MSH3: variants seen among roughly 807,000 people sequenced by gnomAD.
MSH3 encodes mutS homolog 3.
A neutral mutation model predicts 123.3 loss-of-function variants in MSH3; 106 were observed. That is an observed-to-expected ratio of 0.86 (90% CI 0.73 to 1.01). MSH3 has a LOEUF of 1.01. Ranked by LOEUF, MSH3 falls within the 50% of genes least tolerant of loss-of-function variation. MSH3 has a pLI of 0.00. For missense variants in MSH3, 1,459 were observed against 1,347.6 expected, an observed-to-expected ratio of 1.08 and a Z score of -1.29; for synonymous variants, 515 against 481.4, an observed-to-expected ratio of 1.07 and a Z score of -0.91.
In MSH3 at chr5:80,805,588, C is replaced by T. The variant is rs1011090421; in HGVS notation, c.2656-7996C>T. On this transcript the variant is annotated intron_variant, in intron 19 of 23. Transcript: ENST00000265081. ...CACTTTCAATATGATGCCCCCCCCCCCTACCTTTTTTTTTTTTTTTTTTTG... is the reference window on the plus strand; with the variant it reads ...CACTTTCAATATGATGCCCCCCCCCTCTACCTTTTTTTTTTTTTTTTTTTG... Among the ~76,000 whole-genome samples the T allele has an allele frequency of 3.1e-4, 35 of 114,080 alleles. 1 individual carries two copies. The highest frequency in any genetic ancestry group is 5.7e-4 in the Non-Finnish European group (33 of 57,592). 74.8% of individuals were successfully genotyped at this position (114,080 alleles called of 152,430 possible).
intron 17 of MSH3, among the ~76,000 whole-genome samples, chr5:80,784,825 T>C (rs1382544362): frequency 6.6e-6 from 1 of 152,168 alleles, no homozygotes; most frequent in Non-Finnish European, 1.5e-5. Flanking sequence ...GAACTTTAAT[T>C]CAGTGAGAAA....
intron 13 of MSH3, among the ~76,000 whole-genome samples, chr5:80,763,959 T>A (rs1452165691): frequency 1.3e-5 from 2 of 152,262 alleles, no homozygotes; most frequent in African/African-American, 4.8e-5. Flanking sequence ...TGTTGCTGTT[T>A]TAGTGTTTGT....
intron 11 of MSH3, among the ~76,000 whole-genome samples, chr5:80,743,630 G>A (rs1176335114): frequency 4.1e-4 from 24 of 58,112 alleles, no homozygotes; most frequent in Admixed American, 5.8e-4. Flanking sequence ...GGATCACGAG[G>A]TCAGGAGATC....
chr5:80,721,412 T>G (rs1435412392), intron 8 of MSH3, among the ~76,000 whole-genome samples: 1 of 152,220 alleles, frequency 6.6e-6, no homozygotes, highest in Non-Finnish European at 1.5e-5. Context: ...TACTGTGGAC[T>G]CCTTGTAGTC....
At chr5:80,716,543 G>A (rs1750965298) in intron 8 of MSH3, among the ~76,000 whole-genome samples, 1 of 151,970 alleles carries the variant, frequency 6.6e-6, no homozygotes, top group Non-Finnish European at 1.5e-5. Context: ...GTGATTACGG[G>A]TGTGAGCCAC....
At chr5:80,826,878 C>G (rs1483707728) in intron 20 of MSH3, among the ~76,000 whole-genome samples, 3 of 152,088 alleles carry the variant, frequency 2.0e-5, no homozygotes, top group South Asian at 2.1e-4. Flanking sequence ...ATACTATAAC[C>G]TCACATGAAT....
chr5:80,815,558 C>T (rs888703700), intron 20 of MSH3, among the ~76,000 whole-genome samples: 1 of 152,164 alleles, frequency 6.6e-6, no homozygotes, highest in Admixed American at 6.5e-5. Flanking sequence ...GTTTCAGTGG[C>T]TCTGCCATTT....
Position 80,875,797 on chromosome 5 carries a change from C to A in MSH3, c.3349C>A (p.Gln1117Lys). The change falls in exon 24 of 24, where the codon CAA becomes AAA. Residue 1117 changes from glutamine (Q) to lysine (K), a missense_variant. Physicochemically the swap from Gln to Lys is moderately conservative, Grantham distance 53. Transcript: ENST00000265081. The stretch of plus-strand genomic sequence containing the variant: ...AAAGTTATGGACGATGCATAATGCA[C>A]AAGACCTGCAGAAGTGGACAGAGGA... Reference protein sequence around the residue: ...FAKLWTMHNAQDLQKWTEEFN... With the variant: ...FAKLWTMHNAKDLQKWTEEFN... 6.2e-7 allele frequency: 1 copy of A among 1,613,956 alleles called. No individual in the cohort carries two copies. The highest frequency in any genetic ancestry group is 2.2e-5 in the East Asian group (1 of 44,856).
At chr5:80,780,455 G>T (rs1279034730) in intron 17 of MSH3, among the ~76,000 whole-genome samples, 1 of 152,218 alleles carries the variant, frequency 6.6e-6, no homozygotes, top group African/African-American at 2.4e-5. Flanking sequence ...CCAAGGGTAA[G>T]GGTTGGAGCC....
chr5:80,729,351 G>T lies in MSH3; in HGVS notation c.1568+386G>T, dbSNP rs1299996248. Among the ~76,000 whole-genome samples the T allele has an allele frequency of 2.7e-5, 4 of 147,710 alleles. No homozygotes were observed. The East Asian group carries it at 5.9e-4, about 22-fold the overall frequency. ...AATGGCGTGAACCCAGGGAGGTGGA[G>T]CCTGCAGTCAGCCCAGATCCCACCA... On this transcript the variant is annotated intron_variant, in intron 10 of 23. Transcript: ENST00000265081.
intron 20 of MSH3, among the ~76,000 whole-genome samples, chr5:80,814,199 GA>G (rs1209880907): frequency 6.6e-6 from 1 of 151,356 alleles, no homozygotes; most frequent in Admixed American, 6.6e-5. Flanking sequence ...GTTAATACTA[GA>G]AAAGACTTAA....
intron 8 of MSH3, among the ~76,000 whole-genome samples, chr5:80,695,087 G>GTTTTTTTTTTTTTTTTTTTT (rs57947652): frequency 2.6e-5 from 3 of 115,306 alleles, no homozygotes; most frequent in South Asian, 2.8e-4. Flanking sequence ...TTTTTTTGTT[G>GTTTTTTTTTTTTTTTTTTTT]TTTTTTTTTT....
chr5:80,843,203 C>A (rs1745657857), intron 20 of MSH3, among the ~76,000 whole-genome samples: 1 of 152,016 alleles, frequency 6.6e-6, no homozygotes. Context: ...TTTCGGATTA[C>A]ACTTACTGAT....
chr5:80,702,299 A>C (rs1187526901), intron 8 of MSH3, among the ~76,000 whole-genome samples: 2 of 152,150 alleles, frequency 1.3e-5, no homozygotes, highest in Non-Finnish European at 2.9e-5. Flanking sequence ...GGGAGTGGAC[A>C]TGAATCCTGA....
chr5:80,863,437 A>C (rs1479647464), intron 21 of MSH3, among the ~76,000 whole-genome samples: 1 of 152,128 alleles, frequency 6.6e-6, no homozygotes, highest in Non-Finnish European at 1.5e-5. Flanking sequence ...CTGGGAGGCC[A>C]AGGTGGGTGG....
chr5:80,808,054 G>C (rs1389299885), intron 19 of MSH3, among the ~76,000 whole-genome samples: 3 of 151,924 alleles, frequency 2.0e-5, no homozygotes, highest in African/African-American at 7.3e-5. Context: ...TCTCTATAAA[G>C]GGTTTTTACA....
intron 3 of MSH3, among the ~76,000 whole-genome samples, chr5:80,666,183 C>A (rs1319710763): frequency 6.6e-6 from 1 of 152,160 alleles, no homozygotes; most frequent in Non-Finnish European, 1.5e-5. Flanking sequence ...CCTTAGCCTG[C>A]AGATGAGGTG....
At chr5:80,797,088 A>G (rs1322722600) in intron 19 of MSH3, among the ~76,000 whole-genome samples, 1 of 138,274 alleles carries the variant, frequency 7.2e-6, no homozygotes, top group East Asian at 2.1e-4. Context: ...CCCACCCAAC[A>G]CCCACCCGAC....
chr5:80,728,344 T>C (rs73121697), intron 9 of MSH3, among the ~76,000 whole-genome samples: 4,153 of 152,302 alleles, frequency 0.027, 174 homozygotes, highest in African/African-American at 0.093. Context: ...CTTAGCAACA[T>C]GTTATAGATG....
Sources: gnomAD v4.1 joint callset for allele counts (sites outside exome capture counted in the v4.1 genomes callset) on GRCh38, gnomAD v4.1.1 for gene constraint, MANE v1.5 for transcripts, NCBI Gene and HGNC (gene_info 2026-07-23, HGNC 2026-07-21) for gene names.